The following AGPAT3 variants were observed in gnomAD, a reference collection of about 807,000 sequenced individuals.
The protein encoded by AGPAT3 is 1-acyl-sn-glycerol-3-phosphate acyltransferase gamma.
In AGPAT3, 5 loss-of-function variants were observed where a neutral mutation model predicts 47.3. That is an observed-to-expected ratio of 0.11 (90% CI 0.06 to 0.22). The LOEUF (loss-of-function observed/expected upper bound fraction) is 0.22. AGPAT3 is among the 10% of genes least tolerant of loss of function. AGPAT3 has a pLI of 1.00. For synonymous variants in AGPAT3, 212 were observed against 208.3 expected (o/e 1.02, Z -0.15); for missense variants, 315 against 493.0 (o/e 0.64, Z 3.42).
chr21:43,950,705 C>A (rs900546596), intron 2 of AGPAT3: 5 of 152,300 alleles, frequency 3.3e-5, no homozygotes, highest in Non-Finnish European at 5.9e-5. Context: ...TCGTTTCTGC[C>A]CCAGGTAGTG....
intron 1 of AGPAT3, among the ~76,000 whole-genome samples, chr21:43,886,687 A>G (rs2085986270): frequency 6.6e-6 from 1 of 152,220 alleles, no homozygotes; most frequent in Non-Finnish European, 1.5e-5. Flanking sequence ...AATAAGTGGG[A>G]ACATGTTATG....
chr21:43,870,747 T>C (rs1283340252), intron 1 of AGPAT3, among the ~76,000 whole-genome samples: 1 of 152,108 alleles, frequency 6.6e-6, no homozygotes, highest in Non-Finnish European at 1.5e-5. Context: ...AAATAAATGT[T>C]AGTGAATTAT....
chr21:43,981,273 G>C lies in AGPAT3; in HGVS notation c.1042+86G>C. 6.9e-7 allele frequency: 1 copy of C among 1,439,308 alleles called. No homozygotes were observed. The highest frequency in any genetic ancestry group is 9.7e-7 in the Non-Finnish European group (1 of 1,030,140). The allele number at this position is 1,439,308 out of a possible 1,614,324, so 89.2% of individuals were successfully genotyped here. A position where few individuals can be genotyped will look rare whatever the true frequency, so the allele number is the denominator to read the frequency against. On this transcript the variant is annotated intron_variant, in intron 9 of 9. Coordinates refer to ENST00000291572, the MANE Select transcript of AGPAT3 (RefSeq NM_020132.5). The surrounding 1 kb of genome is among the most constrained non-coding windows in gnomAD (Gnocchi z 5.3). The stretch of plus-strand genomic sequence containing the variant: ...GTCCGGGACCTGGTGACTCATCACA[G>C]TGGCTGTGGGAGGCAGGGGCCTGGC...
At chr21:43,921,499 C>T (rs1455339545) in intron 2 of AGPAT3, among the ~76,000 whole-genome samples, 1 of 152,172 alleles carries the variant, frequency 6.6e-6, no homozygotes, top group Non-Finnish European at 1.5e-5. Flanking sequence ...ACAAGTGGGG[C>T]AGTCTCCAGG....
At position 43,939,520 on chromosome 21, in the gene AGPAT3, G is replaced by A. The variant is rs1272585419; in HGVS notation, c.-48-20114G>A. 6.6e-6 allele frequency among the ~76,000 whole-genome samples: 1 copy of A among 152,196 alleles called. No homozygotes were observed. The highest frequency in any genetic ancestry group is 1.5e-5 in the Non-Finnish European group (1 of 68,036). On this transcript the variant is annotated intron_variant, in intron 2 of 9. Transcript: ENST00000291572. The surrounding 1 kb of genome is among the most constrained non-coding windows in gnomAD (Gnocchi z 4.4). ...CCACCCCACAGCTCTTCCAGCGTGG[G>A]AGCTCTGAACATGGGACCCGGAGCA...
chr21:43,955,899 C>CAA lies in AGPAT3; in HGVS notation c.-48-3719_-48-3718dup, dbSNP rs58314121. ...TGGGCAACAGTGAGATAATCTGTCT[C>CAA]AAAAAAAAAAAAAAAAATCAGATTC... On this transcript the variant is annotated intron_variant, in intron 2 of 9. Transcript: ENST00000291572. This position sits in a 1 kb window ranked among gnomAD's most constrained non-coding sequence, Gnocchi z 4.1. 2.0e-3 allele frequency among the ~76,000 whole-genome samples: 256 copies of CAA among 124,904 alleles called. 1 individual carries two copies. The highest frequency in any genetic ancestry group is 2.9e-3 in the African/African-American group (101 of 34,552). The allele number at this position is 124,904 out of a possible 152,430, so 81.9% of individuals were successfully genotyped here.
At chr21:43,882,150 T>C (rs1313820059) in intron 1 of AGPAT3, among the ~76,000 whole-genome samples, 5 of 152,250 alleles carry the variant, frequency 3.3e-5, no homozygotes, top group Non-Finnish European at 7.3e-5. Flanking sequence ...TGCCCAGGGC[T>C]GAGGGAGTGG....
At chr21:43,958,965 GGT>G (rs1185496006) in intron 2 of AGPAT3, among the ~76,000 whole-genome samples, 2 of 127,480 alleles carry the variant, frequency 1.6e-5, no homozygotes, top group Admixed American at 1.6e-4. Context: ...GTGGTTTTGC[GGT>G]GTGTGTGGCA....
intron 1 of AGPAT3, among the ~76,000 whole-genome samples, chr21:43,895,111 A>AT (rs561769909): frequency 4.2e-4 from 61 of 145,362 alleles, no homozygotes; most frequent in Middle Eastern, 3.5e-3. Context: ...TTATTTATTT[A>AT]TTTTTTTTTT....
At chr21:43,877,933 G>C (rs1170773766) in intron 1 of AGPAT3, among the ~76,000 whole-genome samples, 1 of 149,170 alleles carries the variant, frequency 6.7e-6, no homozygotes, top group African/African-American at 2.5e-5. Context: ...ATGGCTCCTT[G>C]ACCCTCACGA....
At chr21:43,948,523 G>A (rs377337948) in intron 2 of AGPAT3, among the ~76,000 whole-genome samples, 26 of 152,232 alleles carry the variant, frequency 1.7e-4, no homozygotes, top group South Asian at 6.2e-4. Context: ...AAGGGTGAGC[G>A]CTGCCATAAT....
chr21:43,975,584 G>A (rs114064342), intron 7 of AGPAT3, among the ~76,000 whole-genome samples: 2,255 of 152,316 alleles, frequency 0.015, 54 homozygotes, highest in African/African-American at 0.047. Context: ...CTGCCTGGCT[G>A]TGGAAACCTC....
At chr21:43,975,434 G>A (rs60224434) in intron 7 of AGPAT3, among the ~76,000 whole-genome samples, 232 of 152,302 alleles carry the variant, frequency 1.5e-3, no homozygotes, top group African/African-American at 5.1e-3. Context: ...GCATGCTGGC[G>A]TGTGCTTGTG....
At chr21:43,971,519 C>T (rs765719332) in intron 7 of AGPAT3, 29 bp downstream of exon 7, 44 of 1,604,104 alleles carry the variant, frequency 2.7e-5, no homozygotes, top group Non-Finnish European at 3.1e-5. Context: ...GCTCTCGCGC[C>T]GCCCCCCATA....
chr21:43,885,831 G>A (rs1015602824), intron 1 of AGPAT3, among the ~76,000 whole-genome samples: 3 of 78,566 alleles, frequency 3.8e-5, no homozygotes, highest in Admixed American at 1.8e-4. Context: ...AGGTGTGCAG[G>A]TGCGCAGGTG....
At chr21:43,974,899 C>T (rs1219209251) in intron 7 of AGPAT3, among the ~76,000 whole-genome samples, 3 of 152,214 alleles carry the variant, frequency 2.0e-5, no homozygotes, top group Non-Finnish European at 4.4e-5. Context: ...GAACCTGGGG[C>T]CAATGTGAAG....
intron 2 of AGPAT3, among the ~76,000 whole-genome samples, chr21:43,927,018 A>ATGTTGCCT (rs1363902913): frequency 1.4e-5 from 2 of 145,996 alleles, no homozygotes; most frequent in African/African-American, 5.1e-5. Flanking sequence ...GGGTTTTGCC[A>ATGTTGCCT]TGTTGCCTAG....
intron 2 of AGPAT3, among the ~76,000 whole-genome samples, chr21:43,917,869 G>T: frequency 7.8e-6 from 1 of 128,122 alleles, no homozygotes; most frequent in East Asian, 2.4e-4. Context: ...AGTTGTGAGT[G>T]TTGTGGGGGT....
At chr21:43,931,700 G>A (rs940503820) in intron 2 of AGPAT3, among the ~76,000 whole-genome samples, 4 of 152,126 alleles carry the variant, frequency 2.6e-5, no homozygotes, top group Non-Finnish European at 5.9e-5. Context: ...CGGCACTGTC[G>A]TCAGTATTCA....
Sources: allele counts gnomAD v4.1 joint callset (sites outside exome capture counted in the v4.1 genomes callset), GRCh38; gene constraint gnomAD v4.1.1; non-coding constraint Gnocchi (gnomAD v3.1); transcripts MANE v1.5; gene names NCBI Gene and HGNC (gene_info 2026-07-23, HGNC 2026-07-21).